LAMA1: variants seen among roughly 807,000 people sequenced by gnomAD.
The protein encoded by LAMA1 is laminin subunit alpha-1.
Under a neutral mutation model 348.7 loss-of-function variants are expected in LAMA1, and 219 were observed. The observed-to-expected ratio is 0.63, with a 90% CI of 0.56 to 0.70. The LOEUF is 0.70. LAMA1 is among the 30% of genes least tolerant of loss of function. The pLI is 0.00. For synonymous variants in LAMA1, 1,487 were observed against 1,491.0 expected, an observed-to-expected ratio of 1.00 and a Z score of 0.06; for missense variants, 3,744 against 3,888.0, an observed-to-expected ratio of 0.96 and a Z score of 0.99.
At chr18:7,040,292 G>A in intron 9 of LAMA1, 56 bp from the exon 10 acceptor site, 15 of 1,586,338 alleles carry the variant, frequency 9.5e-6, no homozygotes, top group Non-Finnish European at 1.3e-5. Flanking sequence ...GTTTAAAGCA[G>A]GGGTTGGCAA....
chr18:7,013,259 A>C (rs909940928), intron 23 of LAMA1, among the ~76,000 whole-genome samples: 3 of 152,070 alleles, frequency 2.0e-5, no homozygotes, highest in South Asian at 4.2e-4. Flanking sequence ...CCAGTCACCC[A>C]TCAGCTCATT....
At chr18:7,115,555 T>TA (rs1485287408) in intron 1 of LAMA1, among the ~76,000 whole-genome samples, 2 of 151,710 alleles carry the variant, frequency 1.3e-5, no homozygotes, top group African/African-American at 4.8e-5. Flanking sequence ...TAAGTTATTT[T>TA]AAAAAATAAC....
At chr18:6,969,452 G>C (rs759164481) in intron 48 of LAMA1, among the ~76,000 whole-genome samples, 4 of 152,190 alleles carry the variant, frequency 2.6e-5, no homozygotes, top group African/African-American at 9.7e-5. Flanking sequence ...TAAAGGCTCC[G>C]ATGGCCTCGC....
At chr18:7,075,129 A>C (rs1233195102) in intron 3 of LAMA1, among the ~76,000 whole-genome samples, 4 of 152,160 alleles carry the variant, frequency 2.6e-5, no homozygotes, top group African/African-American at 9.7e-5. Flanking sequence ...ACCAAGTTAC[A>C]CAAACACATT....
chr18:7,040,847 C>T (rs1267891529), intron 9 of LAMA1, among the ~76,000 whole-genome samples: 4 of 152,140 alleles, frequency 2.6e-5, no homozygotes, highest in Non-Finnish European at 4.4e-5. Context: ...TGGTACAACA[C>T]GGATGACCTT....
chr18:7,035,074 G>A (rs1047880705), intron 13 of LAMA1, among the ~76,000 whole-genome samples: 1 of 152,208 alleles, frequency 6.6e-6, no homozygotes, highest in Non-Finnish European at 1.5e-5. Flanking sequence ...TCACAAAAGT[G>A]ATTTACCGTG....
At chr18:7,014,602 T>C (rs2057877597) in intron 22 of LAMA1, among the ~76,000 whole-genome samples, 1 of 150,442 alleles carries the variant, frequency 6.6e-6, no homozygotes, top group South Asian at 2.1e-4. Context: ...ATGGTGTCAC[T>C]GCACTCCAGC....
chr18:7,089,624 C>T (rs953987673), intron 1 of LAMA1, among the ~76,000 whole-genome samples: 6 of 152,250 alleles, frequency 3.9e-5, no homozygotes, highest in African/African-American at 7.2e-5. Context: ...CCTCCAGCCC[C>T]GGTCCTCAAT....
intron 58 of LAMA1, among the ~76,000 whole-genome samples, chr18:6,949,556 C>T (rs2057537171): frequency 6.6e-6 from 1 of 152,208 alleles, no homozygotes; most frequent in Non-Finnish European, 1.5e-5. Context: ...CTTCTAACCT[C>T]ATAAGCTGTC....
intron 3 of LAMA1, among the ~76,000 whole-genome samples, chr18:7,054,663 C>T (rs911773862): frequency 9.9e-5 from 15 of 152,014 alleles, no homozygotes; most frequent in African/African-American, 3.1e-4. Context: ...TTGAACAACA[C>T]GGGTTTAAAC....
chr18:6,975,807 G>C, intron 45 of LAMA1, 130 bp downstream of exon 45: 1 of 1,057,072 alleles, frequency 9.5e-7, no homozygotes, highest in Non-Finnish European at 1.4e-6. Flanking sequence ...TTTTAACAAA[G>C]GTTAGTCCCT....
At chr18:6,991,104 T>C (rs191428118) in intron 36 of LAMA1, among the ~76,000 whole-genome samples, 32 of 152,162 alleles carry the variant, frequency 2.1e-4, no homozygotes, top group African/African-American at 7.2e-4. Flanking sequence ...AGATCCTAGT[T>C]CTCTCAGAGC....
intron 3 of LAMA1, among the ~76,000 whole-genome samples, chr18:7,058,318 A>C (rs942876152): frequency 6.6e-6 from 1 of 152,170 alleles, no homozygotes; most frequent in Non-Finnish European, 1.5e-5. Context: ...ACAATCTCTC[A>C]ATAGTCCTCA....
At chr18:6,958,425 C>G in intron 55 of LAMA1, 52 bp downstream of exon 55, 1 of 1,577,996 alleles carries the variant, frequency 6.3e-7, no homozygotes, top group African/African-American at 1.3e-5. Flanking sequence ...TGTTAGCACT[C>G]ACCATGAAAG....
Position 7,042,300 on chromosome 18 carries a change from G to A in LAMA1, c.1156-50C>T. 2.9e-6 allele frequency: 3 copies of A among 1,042,994 alleles called. No homozygotes were observed. In the South Asian group the frequency reaches 4.0e-5, roughly 14 times the overall value. 64.6% of individuals were successfully genotyped at this position (1,042,994 alleles called of 1,614,324 possible). On this transcript the variant is annotated intron_variant, in intron 8 of 62. Transcript: ENST00000389658. The stretch of plus-strand genomic sequence containing the variant: ...TTCTCTTACTAGAAATAACAGCAAT[G>A]TTGGCAATAGTATAAATAAGAAGGT...
Position 7,080,303 on chromosome 18 carries a change from G to A in LAMA1, c.216C>T (p.Asn72=), listed in dbSNP as rs1201498122. The A allele has an allele frequency of 6.2e-7, 1 of 1,614,104 alleles. No homozygotes were observed. The highest frequency in any genetic ancestry group is 1.3e-5 in the African/African-American group (1 of 74,934). The change falls in exon 2 of 63, where the codon AAC becomes AAT. Residue 72 remains asparagine (N), a synonymous_variant. Coordinates refer to ENST00000389658, the MANE Select transcript of LAMA1 (RefSeq NM_005559.4). ...GACACTTGCCTCTGGGGTTTGCGCT[G>A]TTGCCATCACAGATCCGGCACTGTG... The part of the protein sequence containing the change: ...RNPQCRICDG[N]SANPRERHPI...
rs181842875 is a variant in LAMA1 at position 6,966,513 on chromosome 18, G to A, written c.6900-216C>T. 6.9e-4 allele frequency among the ~76,000 whole-genome samples: 105 copies of A among 152,266 alleles called. 1 individual carries two copies. Among genetic ancestry groups the A allele is most frequent in the Admixed American group, 2.5e-3 (38 of 15,288 alleles). The stretch of plus-strand genomic sequence containing the variant: ...TTATAAGGAAAATAATGTTAATGTA[G>A]GCAGTATTCATTGTGGTAAAAATAC... On this transcript the variant is annotated intron_variant, in intron 48 of 62. Transcript: ENST00000389658.
intron 14 of LAMA1, among the ~76,000 whole-genome samples, 167 bp from the exon 15 acceptor site, chr18:7,033,262 C>T (rs925964708): frequency 3.3e-5 from 5 of 152,122 alleles, no homozygotes; most frequent in Non-Finnish European, 7.4e-5. Flanking sequence ...GTCAAGAGAT[C>T]GAGACCATCC....
rs2057789792 is a variant in LAMA1, at chr18:6,997,849, C to T, written c.4699G>A (p.Asp1567Asn). The change falls in exon 33 of 63, where the codon GAC (aspartate) becomes AAC (asparagine). Residue 1567 changes from aspartate to asparagine, a missense_variant. Asp to Asn is a conservative substitution (Grantham distance 23). Around this residue, in one of 3 missense-constraint regions of LAMA1, gnomAD observed 1,983 missense variants for 1,934.3 expected, o/e 1.03. Coordinates refer to ENST00000389658, the MANE Select transcript of LAMA1 (RefSeq NM_005559.4). ...ACGGCATCACCAATCTCATCCAAGT[C>T]ATTCAGCAGCACACCTACACACTCA... ...DDECVGVLLN[D>N]LDEIGDAVLS... is the part of the protein sequence containing the mutation. 1.2e-6 allele frequency: 2 copies of T among 1,614,162 alleles called. No homozygotes were observed. The highest frequency in any genetic ancestry group is 1.7e-6 in the Non-Finnish European group (2 of 1,180,032).
Sources: allele counts gnomAD v4.1 joint callset (sites outside exome capture counted in the v4.1 genomes callset), GRCh38; gene constraint gnomAD v4.1.1; regional missense constraint gnomAD v4.1.1; transcripts MANE v1.5; gene names NCBI Gene and HGNC (gene_info 2026-07-23, HGNC 2026-07-21).